The following PTCHD4 variants were observed in gnomAD, a reference collection of about 807,000 sequenced individuals.
PTCHD4 encodes the protein patched domain-containing protein 4.
PTCHD4 carries 33 observed loss-of-function variants against 58.1 expected under a neutral mutation model. The ratio of observed to expected loss-of-function variants is 0.57; its 90% CI spans 0.43 to 0.76. PTCHD4 has a LOEUF of 0.76. Among genes scored for constraint, PTCHD4 ranks in the 30% least tolerant of loss-of-function variants. The pLI, the probability that PTCHD4 is intolerant of heterozygous loss-of-function variation, is 0.00. For synonymous variants in PTCHD4, 478 were observed against 409.6 expected (o/e 1.17, Z -2.02); for missense variants, 1,058 against 1,027.1 (o/e 1.03, Z -0.41).
At chr6:47,907,137 T>C (rs900725591) in intron 4 of PTCHD4, among the ~76,000 whole-genome samples, 1 of 152,082 alleles carries the variant, frequency 6.6e-6, no homozygotes, top group Non-Finnish European at 1.5e-5. Context: ...CCAAGTGGAA[T>C]TGGTGGGAAG....
intron 1 of PTCHD4, among the ~76,000 whole-genome samples, chr6:48,070,432 A>G (rs1483104890): frequency 6.6e-6 from 1 of 152,218 alleles, no homozygotes; most frequent in East Asian, 1.9e-4. Context: ...TTCAGTTAAG[A>G]GACCAATGAC....
intron 4 of PTCHD4, among the ~76,000 whole-genome samples, chr6:47,961,614 A>G (rs933524591): frequency 6.6e-6 from 1 of 152,144 alleles, no homozygotes; most frequent in Non-Finnish European, 1.5e-5. Flanking sequence ...ATTTCAATGT[A>G]AAGAATACTA....
intron 3 of PTCHD4, among the ~76,000 whole-genome samples, chr6:48,010,390 C>T (rs1762624282): frequency 6.6e-6 from 1 of 152,140 alleles, no homozygotes; most frequent in African/African-American, 2.4e-5. Flanking sequence ...GTATTATGTA[C>T]TCTAGCAGAC....
At chr6:47,903,363 C>T (rs1764773279) in intron 4 of PTCHD4, among the ~76,000 whole-genome samples, 2 of 152,182 alleles carry the variant, frequency 1.3e-5, no homozygotes, top group Admixed American at 1.3e-4. Flanking sequence ...GTCACCCAGG[C>T]TGGAGTGCAG....
In PTCHD4 at chr6:48,044,993, T is replaced by C. The variant is rs552651478; in HGVS notation, c.417+23237A>G. Among the ~76,000 whole-genome samples the C allele has an allele frequency of 5.3e-5, 8 of 151,922 alleles. No homozygotes were observed. The East Asian group carries it at 1.6e-3, about 29-fold the overall frequency. ...ATGCAATCCCACACATTACAGAATA[T>C]GCCCCATTTCTTATAGAAATACAAC... On this transcript the variant is annotated intron_variant, in intron 3 of 4. Coordinates refer to ENST00000339488, the MANE Select transcript of PTCHD4 (RefSeq NM_001384253.1).
intron 3 of PTCHD4, among the ~76,000 whole-genome samples, chr6:48,012,224 G>T (rs1762702935): frequency 6.6e-6 from 1 of 152,094 alleles, no homozygotes; most frequent in African/African-American, 2.4e-5. Flanking sequence ...TTTTCTATTT[G>T]TTTGTGTCCT....
intron 1 of PTCHD4, among the ~76,000 whole-genome samples, chr6:48,086,404 G>A (rs748021121): frequency 1.6e-4 from 24 of 151,898 alleles, no homozygotes; most frequent in Non-Finnish European, 2.8e-4. Flanking sequence ...TTGGGCTGTA[G>A]GTGGCAGACT....
At chr6:47,969,024 T>C (rs1767403587) in intron 4 of PTCHD4, among the ~76,000 whole-genome samples, 2 of 152,336 alleles carry the variant, frequency 1.3e-5, no homozygotes, top group South Asian at 4.1e-4. Flanking sequence ...ATAAACTTTA[T>C]AATAATCCAG....
At chr6:48,067,401 T>C (rs1764836240) in intron 3 of PTCHD4, among the ~76,000 whole-genome samples, 1 of 152,214 alleles carries the variant, frequency 6.6e-6, no homozygotes, top group South Asian at 2.1e-4. Flanking sequence ...CTTGCTCTCA[T>C]TTGGAATTTT....
chr6:48,033,572 C>A (rs776721042), intron 3 of PTCHD4, among the ~76,000 whole-genome samples: 1 of 151,650 alleles, frequency 6.6e-6, no homozygotes, highest in Non-Finnish European at 1.5e-5. Flanking sequence ...TATGTATGGC[C>A]TTTTTCACAG....
chr6:48,105,664 G>A (rs544361618), intron 1 of PTCHD4, among the ~76,000 whole-genome samples: 2 of 152,194 alleles, frequency 1.3e-5, no homozygotes, highest in African/African-American at 4.8e-5. Flanking sequence ...TCCAGGAGCT[G>A]GTTTTTTGAG....
At chr6:48,039,106 T>C (rs1296477994) in intron 3 of PTCHD4, among the ~76,000 whole-genome samples, 3 of 152,128 alleles carry the variant, frequency 2.0e-5, no homozygotes, top group Non-Finnish European at 2.9e-5. Context: ...AAAATGTTTA[T>C]GGCAGTATTA....
intron 4 of PTCHD4, among the ~76,000 whole-genome samples, chr6:47,898,965 T>G (rs188020869): frequency 6.6e-6 from 1 of 152,248 alleles, no homozygotes; most frequent in Non-Finnish European, 1.5e-5. Flanking sequence ...AAAAATCCAG[T>G]GATTGGTTTT....
chr6:48,062,935 C>T (rs1051035461), intron 3 of PTCHD4, among the ~76,000 whole-genome samples: 6 of 152,158 alleles, frequency 3.9e-5, no homozygotes. Flanking sequence ...CTGACGCCTA[C>T]ATTGGTGACG....
chr6:47,917,867 A>G (rs956643308), intron 4 of PTCHD4, among the ~76,000 whole-genome samples: 5 of 152,176 alleles, frequency 3.3e-5, no homozygotes, highest in East Asian at 1.9e-4. Context: ...TGTAACCATG[A>G]AAAGTGTACA....
At chr6:47,928,075 T>C (rs1246833076) in intron 4 of PTCHD4, among the ~76,000 whole-genome samples, 5 of 152,178 alleles carry the variant, frequency 3.3e-5, no homozygotes, top group Non-Finnish European at 1.5e-5. Flanking sequence ...TATAAACACC[T>C]TGTGGCCCAT....
intron 3 of PTCHD4, among the ~76,000 whole-genome samples, chr6:48,019,763 A>T (rs1305125054): frequency 1.3e-5 from 2 of 151,564 alleles, no homozygotes; most frequent in African/African-American, 2.4e-5. Context: ...TAATATATGT[A>T]CTGTGGCAGT....
At chr6:47,967,439 T>G (rs1767335428) in intron 4 of PTCHD4, among the ~76,000 whole-genome samples, 1 of 152,188 alleles carries the variant, frequency 6.6e-6, no homozygotes, top group South Asian at 2.1e-4. Flanking sequence ...GAATAATCAA[T>G]GAGCATTGGC....
intron 4 of PTCHD4, among the ~76,000 whole-genome samples, chr6:48,001,967 G>C (rs376675427): frequency 6.6e-6 from 1 of 152,150 alleles, no homozygotes; most frequent in Non-Finnish European, 1.5e-5. Flanking sequence ...ACAGACACTT[G>C]TCAAAAGAAG....
Sources: gnomAD v4.1 joint callset for allele counts (sites outside exome capture counted in the v4.1 genomes callset) on GRCh38, gnomAD v4.1.1 for gene constraint, MANE v1.5 for transcripts, NCBI Gene and HGNC (gene_info 2026-07-23, HGNC 2026-07-21) for gene names.